CCSER2: variants seen among roughly 807,000 people sequenced by gnomAD.
CCSER2 encodes serine-rich coiled-coil domain-containing protein 2.
CCSER2 carries 46 observed loss-of-function variants against 92.3 expected under a neutral mutation model. The observed-to-expected ratio is 0.50, with a 90% confidence interval of 0.39 to 0.64. The LOEUF (loss-of-function observed/expected upper bound fraction) is 0.64. CCSER2 is among the 30% of genes least tolerant of loss of function. CCSER2 has a pLI of 0.00. For synonymous variants in CCSER2, 433 were observed against 431.4 expected, an observed-to-expected ratio of 1.00 and a Z score of -0.04; for missense variants, 1,244 against 1,238.9, an observed-to-expected ratio of 1.00 and a Z score of -0.06.
chr10:84,393,721 A>G (rs1383523612), intron 3 of CCSER2: 1 of 152,616 alleles, frequency 6.6e-6, no homozygotes, highest in African/African-American at 2.4e-5. Flanking sequence ...TTAAAAAATT[A>G]AAGGTACTGT....
chr10:84,434,614 A>G (rs1238009484), intron 5 of CCSER2, among the ~76,000 whole-genome samples: 1 of 152,204 alleles, frequency 6.6e-6, no homozygotes, highest in African/African-American at 2.4e-5. Flanking sequence ...TATTCTTTTG[A>G]TACTTCTATT....
intron 1 of CCSER2, among the ~76,000 whole-genome samples, chr10:84,336,150 C>G (rs1375770638): frequency 1.3e-5 from 2 of 152,080 alleles, no homozygotes; most frequent in East Asian, 1.9e-4. Context: ...GCCTTTCTTG[C>G]AGTCATGTTT....
At chr10:84,510,913 C>T (rs896304033) in intron 9 of CCSER2, among the ~76,000 whole-genome samples, 1 of 152,090 alleles carries the variant, frequency 6.6e-6, no homozygotes, top group African/African-American at 2.4e-5. Flanking sequence ...GTGAAAGAGA[C>T]TTTTTGTTTT....
At chr10:84,336,505 GAATGTGATCTATGCAGATATTAGGA>G in intron 1 of CCSER2, among the ~76,000 whole-genome samples, 1 of 152,338 alleles carries the variant, frequency 6.6e-6, no homozygotes, top group Non-Finnish European at 1.5e-5. Flanking sequence ...CTTGAAGAAA[GAATGTGATCTATGCAGATATTAGGA>G]GAGAGAGAGT....
chr10:84,422,916 G>C (rs537199376), intron 4 of CCSER2, among the ~76,000 whole-genome samples: 1 of 152,030 alleles, frequency 6.6e-6, no homozygotes, highest in Non-Finnish European at 1.5e-5. Context: ...TTAGCCAGGC[G>C]TGGTGATGTG....
chr10:84,439,410 T>G (rs1320651516), intron 6 of CCSER2, among the ~76,000 whole-genome samples: 1 of 152,188 alleles, frequency 6.6e-6, no homozygotes, highest in Non-Finnish European at 1.5e-5. Context: ...AATCTGTATT[T>G]GTACTTTGTA....
intron 6 of CCSER2, among the ~76,000 whole-genome samples, chr10:84,463,348 G>A (rs1311014275): frequency 6.6e-6 from 1 of 152,110 alleles, no homozygotes; most frequent in East Asian, 1.9e-4. Context: ...GTTCCCTAAT[G>A]TTCCTTCTTA....
intron 5 of CCSER2, 113 bp from the exon 6 acceptor site, chr10:84,438,399 G>T: frequency 1.6e-6 from 1 of 640,856 alleles, no homozygotes; most frequent in South Asian, 2.6e-5. Flanking sequence ...TCAGAGCCAT[G>T]GTGATAATGA....
rs1271579428 is a variant in CCSER2 at position 84,491,392 on chromosome 10, T to G, written c.2325+13728T>G. The stretch of plus-strand genomic sequence containing the variant: ...TTGAGCTGAGGTGGGCTCCACCCAG[T>G]TCGAGCTTCCCGGCCACTTTCTTTA... On this transcript the variant is annotated intron_variant, in intron 9 of 9. Coordinates refer to ENST00000372088, the MANE Select transcript of CCSER2 (RefSeq NM_001284240.2). 3.9e-5 allele frequency among the ~76,000 whole-genome samples: 6 copies of G among 152,188 alleles called. No homozygotes were observed. The East Asian group carries it at 1.2e-3, about 29-fold the overall frequency.
At chr10:84,397,807 GC>G (rs1237952159) in intron 3 of CCSER2, among the ~76,000 whole-genome samples, 9 of 152,316 alleles carry the variant, frequency 5.9e-5, no homozygotes, top group African/African-American at 2.2e-4. Flanking sequence ...TTTTTCAGGT[GC>G]TAATGTGCTT....
intron 5 of CCSER2, among the ~76,000 whole-genome samples, chr10:84,433,946 C>T (rs141649080): frequency 1.3e-5 from 2 of 152,232 alleles, no homozygotes; most frequent in African/African-American, 4.8e-5. Context: ...GGGCTATGAT[C>T]GGCCACATAA....
chr10:84,332,065 A>G (rs2132959396), intron 1 of CCSER2, among the ~76,000 whole-genome samples: 1 of 152,292 alleles, frequency 6.6e-6, no homozygotes, highest in South Asian at 2.1e-4. Flanking sequence ...TCTGAAAAAT[A>G]TTACTAGATT....
chr10:84,502,370 T>TC (rs1410250579), intron 9 of CCSER2, among the ~76,000 whole-genome samples: 1 of 129,134 alleles, frequency 7.7e-6, no homozygotes, highest in East Asian at 2.3e-4. Context: ...ATGACTTCTT[T>TC]TTTTTTTTTT....
intron 6 of CCSER2, among the ~76,000 whole-genome samples, chr10:84,441,278 C>T (rs1056984673): frequency 6.6e-6 from 1 of 151,780 alleles, no homozygotes; most frequent in African/African-American, 2.4e-5. Context: ...CTTGATATTC[C>T]AGCTGTCTGT....
At chr10:84,427,092 C>T (rs1213020750) in intron 5 of CCSER2, among the ~76,000 whole-genome samples, 1 of 151,972 alleles carries the variant, frequency 6.6e-6, no homozygotes. Flanking sequence ...ATCACAAATC[C>T]CTTCTACTTA....
intron 4 of CCSER2, among the ~76,000 whole-genome samples, chr10:84,421,387 G>T (rs1843141822): frequency 6.6e-6 from 1 of 152,168 alleles, no homozygotes; most frequent in African/African-American, 2.4e-5. Flanking sequence ...CATGGTTGGG[G>T]AGGCCTCAGG....
At position 84,477,662 on chromosome 10, in the gene CCSER2, C is replaced by G. The variant is rs1847231003; in HGVS notation, c.2323C>G (p.Pro775Ala). Residue 775 changes from proline to alanine, a missense_variant and splice_region_variant, in exon 9 of 10, where the codon CCT becomes GCT. By Grantham distance (27) the Pro-to-Ala change is conservative. Transcript: ENST00000372088. Reference sequence around the variant, plus strand: ...TACCCAAACACCCTGGAGACGAATTCCTGTAAGTAACATTTGCTCTTAGCC... The same window carrying G: ...TACCCAAACACCCTGGAGACGAATTGCTGTAAGTAACATTTGCTCTTAGCC... ...KYTQTPWRRI[P>A]PQVLQPSSSL... 1.9e-6 allele frequency: 3 copies of G among 1,568,084 alleles called. No individual in the cohort carries two copies. The highest frequency in any genetic ancestry group is 1.7e-5 in the Admixed American group (1 of 59,608).
rs148582396 is a variant in CCSER2 at position 84,463,025 on chromosome 10, C to T, written c.2065-908C>T. On this transcript the variant is annotated intron_variant, in intron 6 of 9. Coordinates refer to ENST00000372088, the MANE Select transcript of CCSER2 (RefSeq NM_001284240.2). ...TGCTGCCTTAGTCAGGGGCTCAGTC[C>T]TGATCAAGGTAGCACGTCATCCAGT... Among the ~76,000 whole-genome samples, 125 of 152,256 alleles carry T rather than the reference C, an allele frequency of 8.2e-4. 1 individual carries two copies. The East Asian group carries it at 8.7e-3, about 11-fold the overall frequency.
chr10:84,471,083 G>A (rs1353639184), intron 8 of CCSER2, among the ~76,000 whole-genome samples: 1 of 152,008 alleles, frequency 6.6e-6, no homozygotes, highest in South Asian at 2.1e-4. Context: ...ACACTCAAAA[G>A]GAAATCTTTG....
Sources: gnomAD v4.1 joint callset for allele counts (sites outside exome capture counted in the v4.1 genomes callset) on GRCh38, gnomAD v4.1.1 for gene constraint, MANE v1.5 for transcripts, NCBI Gene and HGNC (gene_info 2026-07-23, HGNC 2026-07-21) for gene names.